The following TRIO variants were observed in gnomAD, a reference collection of about 807,000 sequenced individuals.
The protein encoded by TRIO is trio Rho guanine nucleotide exchange factor.
Under a neutral mutation model 351.9 loss-of-function variants are expected in TRIO, and 58 were observed. The ratio of observed to expected loss-of-function variants is 0.16; its 90% CI spans 0.13 to 0.21. TRIO has a LOEUF of 0.21. Among genes scored for constraint, TRIO ranks in the 10% least tolerant of loss-of-function variants. The pLI is 1.00. For missense variants in TRIO, 3,201 were observed against 4,027.8 expected (o/e 0.79, Z 5.56); for synonymous variants, 1,758 against 1,595.7 (o/e 1.10, Z -2.42).
In TRIO at chr5:14,508,005, A is replaced by T. The variant is rs769368147; in HGVS notation, c.8877A>T (p.Ala2959=). Residue 2959 remains alanine, a synonymous_variant, in exon 57 of 57, where the codon GCA becomes GCT. Coordinates refer to ENST00000344204, the MANE Select transcript of TRIO (RefSeq NM_007118.4). The part of the protein sequence containing the change: ...IHQLLGNPEF[A]APEIILGNPV... The stretch of plus-strand genomic sequence containing the variant: ...AGTTACTGGGGAACCCTGAATTCGC[A>T]GCCCCTGAAATCATCCTCGGGAACC... The T allele has an allele frequency of 1.2e-6, 2 of 1,614,224 alleles. No homozygotes were observed. Among genetic ancestry groups the T allele is most frequent in the Non-Finnish European group, 1.7e-6 (2 of 1,180,042 alleles).
chr5:14,460,688 G>A (rs1205406954), intron 34 of TRIO, among the ~76,000 whole-genome samples: 1 of 152,148 alleles, frequency 6.6e-6, no homozygotes, highest in Non-Finnish European at 1.5e-5. Flanking sequence ...AATGTCCGCA[G>A]TACCAATGTC....
At chr5:14,456,244 G>A (rs747413715) in intron 34 of TRIO, among the ~76,000 whole-genome samples, 4 of 152,246 alleles carry the variant, frequency 2.6e-5, no homozygotes, top group African/African-American at 7.2e-5. Flanking sequence ...CCCAGTTCCC[G>A]CCTGCACCTC....
chr5:14,444,218 T>C (rs1752275407), intron 34 of TRIO, among the ~76,000 whole-genome samples: 1 of 152,156 alleles, frequency 6.6e-6, no homozygotes, highest in Non-Finnish European at 1.5e-5. Context: ...AAATACATAA[T>C]ATGAACCTAT....
In TRIO at chr5:14,479,914, T is replaced by G. The variant is rs1350783986; in HGVS notation, c.6244-5T>G. The G allele has an allele frequency of 6.2e-7, 1 of 1,613,984 alleles. No individual in the cohort carries two copies. The highest frequency in any genetic ancestry group is 1.1e-5 in the South Asian group (1 of 91,052). The stretch of plus-strand genomic sequence containing the variant: ...TACGATCTTTTCTCTCTCTTAAAAC[T>G]GTAGGACTTAAAGCAGCGTCTTGGC... On this transcript the variant is annotated splice_polypyrimidine_tract_variant and splice_region_variant and intron_variant, in intron 42 of 56. Transcript: ENST00000344204.
At chr5:14,483,038 C>T (rs945151849) in intron 46 of TRIO, among the ~76,000 whole-genome samples, 7 of 152,176 alleles carry the variant, frequency 4.6e-5, no homozygotes, top group African/African-American at 1.7e-4. Context: ...TGTTTATGCA[C>T]CCCCTTCTCT....
intron 8 of TRIO, among the ~76,000 whole-genome samples, chr5:14,310,978 G>A (rs367895204): frequency 7.2e-5 from 11 of 152,176 alleles, no homozygotes; most frequent in East Asian, 5.8e-4. Flanking sequence ...GAGCCACCAC[G>A]CCCAGCTGTC....
chr5:14,347,782 G>C (rs550590406), intron 11 of TRIO, among the ~76,000 whole-genome samples: 2 of 152,212 alleles, frequency 1.3e-5, no homozygotes, highest in Non-Finnish European at 2.9e-5. Context: ...GAAAGCCTGT[G>C]AGTGGTTGAA....
intron 1 of TRIO, among the ~76,000 whole-genome samples, chr5:14,151,599 C>T (rs1290852525): frequency 6.6e-6 from 1 of 152,124 alleles, no homozygotes; most frequent in Admixed American, 6.5e-5. Flanking sequence ...TGCTTTCAGG[C>T]AAAATGTTTA....
At chr5:14,271,298 C>T (rs991835261) in intron 2 of TRIO, among the ~76,000 whole-genome samples, 9 of 152,168 alleles carry the variant, frequency 5.9e-5, no homozygotes, top group Non-Finnish European at 1.0e-4. Flanking sequence ...GCCTCTGTTG[C>T]CTTGTCTTTT....
At chr5:14,328,847 A>C (rs1340945129) in intron 9 of TRIO, among the ~76,000 whole-genome samples, 1 of 152,164 alleles carries the variant, frequency 6.6e-6, no homozygotes, top group Non-Finnish European at 1.5e-5. Context: ...TGGAAATGAG[A>C]CCAGGCTCGG....
intron 41 of TRIO, 39 bp downstream of exon 41, chr5:14,477,002 T>C (rs1449979498): frequency 6.4e-7 from 1 of 1,564,634 alleles, no homozygotes; most frequent in Non-Finnish European, 8.8e-7. Context: ...GTTCTGATGG[T>C]GTCATCCTTA....
intron 1 of TRIO, among the ~76,000 whole-genome samples, chr5:14,244,043 A>G (rs1050399830): frequency 1.3e-5 from 2 of 152,212 alleles, no homozygotes; most frequent in African/African-American, 4.8e-5. Flanking sequence ...AGGGGAGGCA[A>G]TTTAGCATTT....
chr5:14,432,113 G>A lies in TRIO; in HGVS notation c.5203+12092G>A, dbSNP rs1040824858. Among the ~76,000 whole-genome samples the A allele has an allele frequency of 6.6e-5, 10 of 152,294 alleles. No individual in the cohort carries two copies. The South Asian group carries it at 8.3e-4, about 13-fold the overall frequency. ...AATTAACAGTAGTAACAGAGAGCAT[G>A]GGGTGCGGACTTGCCATTGCCAGCC... On this transcript the variant is annotated intron_variant, in intron 34 of 56. Transcript: ENST00000344204.
chr5:14,288,789 A>G (rs1736665804), intron 4 of TRIO, among the ~76,000 whole-genome samples: 1 of 152,080 alleles, frequency 6.6e-6, no homozygotes, highest in Non-Finnish European at 1.5e-5. Context: ...TCTTTTGCCA[A>G]CCAGCACGCC....
At chr5:14,190,815 G>A (rs928023118) in intron 1 of TRIO, among the ~76,000 whole-genome samples, 1 of 152,054 alleles carries the variant, frequency 6.6e-6, no homozygotes, top group Admixed American at 6.6e-5. Context: ...CACCTCAGAA[G>A]TATCTCAGGA....
At chr5:14,388,713 T>G in intron 24 of TRIO, 34 bp downstream of exon 24, 3 of 1,579,940 alleles carry the variant, frequency 1.9e-6, no homozygotes, top group Non-Finnish European at 2.6e-6. Context: ...TTTTGCTTGT[T>G]TATTTAGATT....
chr5:14,321,223 A>T (rs1464617372), intron 9 of TRIO, among the ~76,000 whole-genome samples: 1 of 152,210 alleles, frequency 6.6e-6, no homozygotes, highest in Non-Finnish European at 1.5e-5. Context: ...GGAGTGGGCA[A>T]TGGGAATTCC....
At position 14,316,557 on chromosome 5, in the gene TRIO, C is replaced by T. The variant is rs1396355375; in HGVS notation, c.1545C>T (p.Pro515=). 2 of 1,614,214 alleles carry T rather than the reference C, an allele frequency of 1.2e-6. No homozygotes were observed. Among genetic ancestry groups the T allele is most frequent in the East Asian group, 2.2e-5 (1 of 44,882 alleles). ...CGCTCCTTGACAAGCTCCAGCGGCC[C>T]TTGACTCCCGGCAGCTCCGATTCCC... ...GKSLLDKLQR[P]LTPGSSDSLT... The change falls in exon 9 of 57, where the codon CCC becomes CCT. Residue 515 remains proline, a synonymous_variant. Coordinates refer to ENST00000344204, the MANE Select transcript of TRIO (RefSeq NM_007118.4).
chr5:14,361,770 G>C (rs1473618674), intron 13 of TRIO, among the ~76,000 whole-genome samples: 1 of 152,194 alleles, frequency 6.6e-6, no homozygotes, highest in Admixed American at 6.5e-5. Context: ...AGTGGGTGGT[G>C]TCGTCATCTC....
Sources: allele counts gnomAD v4.1 joint callset (sites outside exome capture counted in the v4.1 genomes callset), GRCh38; gene constraint gnomAD v4.1.1; transcripts MANE v1.5; gene names NCBI Gene and HGNC (gene_info 2026-07-23, HGNC 2026-07-21).